The following EXOC4 variants were observed in gnomAD, a reference collection of about 807,000 sequenced individuals.
The protein encoded by EXOC4 is SEC8-like 1.
Under a neutral mutation model 107.2 loss-of-function variants are expected in EXOC4, and 71 were observed. That is an observed-to-expected ratio of 0.66 (90% CI 0.55 to 0.81). EXOC4 has a LOEUF of 0.81. EXOC4 is among the 30% of genes least tolerant of loss of function. The pLI is 0.00. For synonymous variants in EXOC4, 456 were observed against 441.2 expected, an observed-to-expected ratio of 1.03 and a Z score of -0.42; for missense variants, 1,108 against 1,189.6, an observed-to-expected ratio of 0.93 and a Z score of 1.01.
chr7:133,761,417 A>G (rs1796029436), intron 10 of EXOC4, among the ~76,000 whole-genome samples: 1 of 152,196 alleles, frequency 6.6e-6, no homozygotes, highest in Non-Finnish European at 1.5e-5. Flanking sequence ...TCTCTCGGTA[A>G]AAATTATTGC....
chr7:133,514,903 G>T (rs1026877238), intron 9 of EXOC4, among the ~76,000 whole-genome samples: 3 of 151,980 alleles, frequency 2.0e-5, no homozygotes, highest in Non-Finnish European at 4.4e-5. Context: ...TCATATAAGG[G>T]CATTTTAATC....
At chr7:133,984,444 C>T (rs748390331) in intron 14 of EXOC4, among the ~76,000 whole-genome samples, 2 of 152,062 alleles carry the variant, frequency 1.3e-5, no homozygotes, top group Non-Finnish European at 2.9e-5. Flanking sequence ...TACCCTGAAA[C>T]AGAATAATGT....
chr7:133,503,128 A>G (rs2150889638), intron 9 of EXOC4, among the ~76,000 whole-genome samples: 1 of 152,280 alleles, frequency 6.6e-6, no homozygotes, highest in African/African-American at 2.4e-5. Context: ...GAGGAAACAC[A>G]AGTGATCAAT....
chr7:133,270,666 A>G (rs557593633), intron 1 of EXOC4, among the ~76,000 whole-genome samples: 3 of 152,344 alleles, frequency 2.0e-5, no homozygotes, highest in Admixed American at 6.5e-5. Flanking sequence ...AGGCTTTATA[A>G]TAAGTAAAGC....
At chr7:134,063,942 T>C (rs1796128395) in intron 17 of EXOC4, among the ~76,000 whole-genome samples, 1 of 152,178 alleles carries the variant, frequency 6.6e-6, no homozygotes, top group South Asian at 2.1e-4. Context: ...CAAAACCTGT[T>C]AACAATGCCT....
chr7:133,460,772 C>T (rs540517102), intron 7 of EXOC4, among the ~76,000 whole-genome samples: 4 of 152,048 alleles, frequency 2.6e-5, no homozygotes, highest in East Asian at 3.9e-4. Flanking sequence ...CAAGAGTTGG[C>T]GAAGTCAAGA....
chr7:133,665,014 TG>T (rs1426652958), intron 10 of EXOC4, among the ~76,000 whole-genome samples: 3 of 152,210 alleles, frequency 2.0e-5, no homozygotes, highest in African/African-American at 7.2e-5. Context: ...ATCTCTACTT[TG>T]TTAAAGAAAA....
At position 133,447,942 on chromosome 7, in the gene EXOC4, C is replaced by A. The variant is rs1021123256; in HGVS notation, c.1183-27386C>A. ...GTCTATTATGTTGTGATATGTAATT[C>A]TTCCCTTTAGAGAGAAAGATGTACT... On this transcript the variant is annotated intron_variant, in intron 7 of 17. Transcript: ENST00000253861. Among the ~76,000 whole-genome samples the A allele has an allele frequency of 2.6e-5, 4 of 152,160 alleles. No homozygotes were observed. The East Asian group carries it at 7.7e-4, about 29-fold the overall frequency.
chr7:133,532,672 A>G (rs1800202314), intron 9 of EXOC4, among the ~76,000 whole-genome samples: 1 of 152,080 alleles, frequency 6.6e-6, no homozygotes. Flanking sequence ...CTTGGAAGCC[A>G]TGTTTGATTT....
chr7:133,342,253 T>C (rs1025588414), intron 5 of EXOC4, among the ~76,000 whole-genome samples: 4 of 152,186 alleles, frequency 2.6e-5, no homozygotes, highest in African/African-American at 9.7e-5. Context: ...TCTCTTAGCA[T>C]TTGTTTGTCT....
intron 7 of EXOC4, among the ~76,000 whole-genome samples, chr7:133,428,621 T>C (rs1336019997): frequency 2.6e-5 from 4 of 152,262 alleles, no homozygotes; most frequent in African/African-American, 9.6e-5. Flanking sequence ...AGAAATTTGC[T>C]GTTGTAGAAT....
chr7:133,361,282 A>G (rs992859290), intron 6 of EXOC4, among the ~76,000 whole-genome samples: 3 of 151,946 alleles, frequency 2.0e-5, no homozygotes, highest in African/African-American at 7.3e-5. Flanking sequence ...TATTGATTAA[A>G]TTTTTTCTTT....
intron 10 of EXOC4, among the ~76,000 whole-genome samples, chr7:133,722,170 C>T (rs929688958): frequency 3.9e-5 from 6 of 152,198 alleles, no homozygotes; most frequent in African/African-American, 1.2e-4. Context: ...ATAGGCTTTG[C>T]CCTGTATCCC....
intron 9 of EXOC4, chr7:133,576,465 A>G (rs1486578800): frequency 1.6e-6 from 2 of 1,266,436 alleles, no homozygotes; most frequent in African/African-American, 1.5e-5. Context: ...TAACCCATTT[A>G]TAGAGGGCAT....
At chr7:133,609,473 C>G (rs1207939149) in intron 9 of EXOC4, among the ~76,000 whole-genome samples, 1 of 152,198 alleles carries the variant, frequency 6.6e-6, no homozygotes, top group South Asian at 2.1e-4. Context: ...CAATTGCCCT[C>G]TTCTCTCGAT....
chr7:133,789,929 A>G (rs556481116), intron 10 of EXOC4, among the ~76,000 whole-genome samples: 1 of 152,356 alleles, frequency 6.6e-6, no homozygotes, highest in East Asian at 1.9e-4. Context: ...TAAAGTATCC[A>G]AGGACTTGCC....
intron 7 of EXOC4, among the ~76,000 whole-genome samples, chr7:133,432,297 T>C (rs1797873420): frequency 6.6e-6 from 1 of 152,206 alleles, no homozygotes; most frequent in Admixed American, 6.5e-5. Flanking sequence ...TATATAACTT[T>C]ATTAACTTTA....
At chr7:133,916,503 A>G (rs1799810998) in intron 12 of EXOC4, among the ~76,000 whole-genome samples, 1 of 115,264 alleles carries the variant, frequency 8.7e-6, no homozygotes, top group Admixed American at 7.6e-5. Context: ...TCCTGGCCTC[A>G]AGCAATCCTC....
intron 10 of EXOC4, among the ~76,000 whole-genome samples, chr7:133,698,194 G>A (rs150311488): frequency 2.3e-4 from 35 of 152,142 alleles, no homozygotes; most frequent in African/African-American, 8.2e-4. Flanking sequence ...CTGTATCAGT[G>A]CCTTTCCGCG....
Sources: gnomAD v4.1 joint callset for allele counts (sites outside exome capture counted in the v4.1 genomes callset) on GRCh38, gnomAD v4.1.1 for gene constraint, MANE v1.5 for transcripts, NCBI Gene and HGNC (gene_info 2026-07-23, HGNC 2026-07-21) for gene names.